Variants in NR2F1-AS1 observed in about 807,000 individuals in gnomAD.
NR2F1-AS1 encodes NR2F1 regulatory antisense RNA 1, also known as NR2F1 antisense RNA 1.
chr5:93,576,702 G>T (rs1159942904), intron 1 of NR2F1-AS1, among the ~76,000 whole-genome samples: 1 of 152,176 alleles, frequency 6.6e-6, no homozygotes, highest in Non-Finnish European at 1.5e-5. Context: ...GCAGTCTTTA[G>T]TCAGTGAAAT....
chr5:93,487,868 A>C (rs2149878520), intron 4 of NR2F1-AS1, among the ~76,000 whole-genome samples: 1 of 152,298 alleles, frequency 6.6e-6, no homozygotes, highest in South Asian at 2.1e-4. Flanking sequence ...AGTATTCAAA[A>C]CAGCATGGTA....
chr5:93,460,941 T>C (rs898432323), intron 4 of NR2F1-AS1, among the ~76,000 whole-genome samples: 8 of 152,222 alleles, frequency 5.3e-5, no homozygotes, highest in Admixed American at 3.9e-4. Flanking sequence ...CTCAAAGACC[T>C]AGAGGCAGAA....
chr5:93,534,637 A>G (rs1379000186), intron 4 of NR2F1-AS1, among the ~76,000 whole-genome samples: 3 of 152,192 alleles, frequency 2.0e-5, no homozygotes, highest in Admixed American at 2.0e-4. Context: ...AATTCAAATA[A>G]TGAGAAAAAA....
At chr5:93,581,930 CTGGG>C (rs1451140705), upstream of NR2F1-AS1, among the ~76,000 whole-genome samples, 2 of 111,052 alleles carry the variant, frequency 1.8e-5, no homozygotes, top group African/African-American at 7.1e-5. Flanking sequence ...CTCTCTCTCT[CTGGG>C]TCTCTCTCTC....
intron 4 of NR2F1-AS1, among the ~76,000 whole-genome samples, chr5:93,530,075 C>CTTTTTT (rs1227046832): frequency 3.7e-4 from 36 of 97,920 alleles, no homozygotes; most frequent in Non-Finnish European, 4.3e-4. Flanking sequence ...AATTTGAAGG[C>CTTTTTT]TTTTTTTTTT....
intron 4 of NR2F1-AS1, among the ~76,000 whole-genome samples, chr5:93,529,370 A>G (rs991317621): frequency 2.6e-5 from 4 of 152,220 alleles, no homozygotes; most frequent in African/African-American, 7.2e-5. Context: ...CAAATATAGT[A>G]GTAACCACCA....
intron 4 of NR2F1-AS1, among the ~76,000 whole-genome samples, chr5:93,552,215 G>A (rs1407107179): frequency 2.0e-5 from 3 of 152,148 alleles, no homozygotes; most frequent in Non-Finnish European, 4.4e-5. Context: ...CTCTAGAAGA[G>A]ATCTATATCT....
chr5:93,532,952 A>T (rs1227907729), intron 4 of NR2F1-AS1, among the ~76,000 whole-genome samples: 4 of 152,260 alleles, frequency 2.6e-5, no homozygotes. Context: ...ATTACAAGTT[A>T]ATCTCAACTA....
chr5:93,485,945 G>C (rs1475180749), intron 4 of NR2F1-AS1, among the ~76,000 whole-genome samples: 2 of 138,144 alleles, frequency 1.4e-5, no homozygotes, highest in African/African-American at 5.5e-5. Flanking sequence ...AAAAAATGAT[G>C]AGTTCATGTC....
chr5:93,413,728 T>TA (rs968771214), intron 4 of NR2F1-AS1, among the ~76,000 whole-genome samples: 2 of 152,202 alleles, frequency 1.3e-5, no homozygotes, highest in African/African-American at 2.4e-5. Flanking sequence ...AGTGTCTTCT[T>TA]AAAAAAAACT....
intron 4 of NR2F1-AS1, among the ~76,000 whole-genome samples, chr5:93,528,612 C>A (rs929869473): frequency 6.6e-6 from 1 of 152,128 alleles, no homozygotes; most frequent in African/African-American, 2.4e-5. Flanking sequence ...ATGTTTATCG[C>A]AGCACTATTC....
rs936962648 is a variant in NR2F1-AS1 at position 93,443,900 on chromosome 5, A to G, written n.639-48358T>C. 2.6e-5 allele frequency among the ~76,000 whole-genome samples: 4 copies of G among 152,252 alleles called. No individual in the cohort carries two copies. In the East Asian group the frequency reaches 7.7e-4, roughly 29 times the overall value. On this transcript the variant is annotated intron_variant and non_coding_transcript_variant, in intron 4 of 5. Transcript: ENST00000660523. ...AAGAGAGTGGGGGCCAATATTCAAC[A>G]TTCTTAAGGGAAACAATTTTCAACC...
intron 4 of NR2F1-AS1, among the ~76,000 whole-genome samples, chr5:93,524,691 G>C (rs1439110861): frequency 6.6e-6 from 1 of 152,094 alleles, no homozygotes; most frequent in Non-Finnish European, 1.5e-5. Context: ...GAAGAGAGTG[G>C]GGTCCAATAT....
chr5:93,530,463 C>A (rs1751713357), intron 4 of NR2F1-AS1, among the ~76,000 whole-genome samples: 1 of 152,120 alleles, frequency 6.6e-6, no homozygotes, highest in Non-Finnish European at 1.5e-5. Flanking sequence ...CATCTGGTTC[C>A]TCTCCTTTAG....
chr5:93,542,530 AT>A (rs976051605), intron 4 of NR2F1-AS1: 3 of 152,160 alleles, frequency 2.0e-5, no homozygotes, highest in Non-Finnish European at 4.4e-5. Flanking sequence ...GGGGAAAAAA[AT>A]CATCCCCAGT....
intron 4 of NR2F1-AS1, among the ~76,000 whole-genome samples, chr5:93,517,039 T>C (rs1389940127): frequency 3.3e-5 from 5 of 151,960 alleles, no homozygotes; most frequent in Non-Finnish European, 7.4e-5. Flanking sequence ...GATATTTTCC[T>C]GAATCTCTCA....
At chr5:93,572,812 C>T (rs1752804884) in intron 1 of NR2F1-AS1, among the ~76,000 whole-genome samples, 1 of 152,264 alleles carries the variant, frequency 6.6e-6, no homozygotes, top group African/African-American at 2.4e-5. Flanking sequence ...CCTCAGAGGG[C>T]TGCTATTAAG....
At chr5:93,476,461 A>G (rs1750486758) in intron 4 of NR2F1-AS1, among the ~76,000 whole-genome samples, 1 of 152,186 alleles carries the variant, frequency 6.6e-6, no homozygotes, top group East Asian at 1.9e-4. Context: ...AGGAAAGCAG[A>G]CCCTAATTAA....
rs577870704 is a variant in NR2F1-AS1, at chr5:93,439,792, G to A, written n.639-44250C>T. Among the ~76,000 whole-genome samples, 77 of 152,194 alleles carry A rather than the reference G, an allele frequency of 5.1e-4. 1 individual carries two copies. Among genetic ancestry groups the A allele is most frequent in the African/African-American group, 1.7e-3 (72 of 41,514 alleles). ...CTTAGCTTAAATTTTATCTCCTCCA[G>A]GAAGGCTCCTCTGACTCTCAAAGTA... On this transcript the variant is annotated intron_variant and non_coding_transcript_variant, in intron 4 of 5. Transcript: ENST00000660523.
Sources: gnomAD v4.1 joint callset for allele counts (sites outside exome capture counted in the v4.1 genomes callset) on GRCh38, gnomAD v4.1.1 for gene constraint, MANE v1.5 for transcripts, NCBI Gene and HGNC (gene_info 2026-07-23, HGNC 2026-07-21) for gene names.